ADAMTS6: variants seen among roughly 807,000 people sequenced by gnomAD.
The protein encoded by ADAMTS6 is A disintegrin and metalloproteinase with thrombospondin motifs 6.
A neutral mutation model predicts 144.3 loss-of-function variants in ADAMTS6; 23 were observed. The ratio of observed to expected loss-of-function variants is 0.16; its 90% CI spans 0.11 to 0.23. The LOEUF (loss-of-function observed/expected upper bound fraction) is 0.23, where lower values mean the gene tolerates loss of function less well. Ranked by LOEUF, ADAMTS6 falls within the 10% of genes least tolerant of loss-of-function variation. ADAMTS6 has a pLI of 1.00. For synonymous variants in ADAMTS6, 444 were observed against 457.5 expected (o/e 0.97, Z 0.38); for missense variants, 999 against 1,379.6 (o/e 0.72, Z 4.37).
At chr5:65,372,694 T>C (rs1010259155) in intron 7 of ADAMTS6, among the ~76,000 whole-genome samples, 16 of 152,296 alleles carry the variant, frequency 1.1e-4, no homozygotes, top group African/African-American at 3.1e-4. Context: ...ATTAGACAGA[T>C]CAATGAGACA....
intron 9 of ADAMTS6, among the ~76,000 whole-genome samples, chr5:65,321,040 A>G (rs941605190): frequency 1.3e-5 from 2 of 152,174 alleles, no homozygotes; most frequent in Non-Finnish European, 2.9e-5. Flanking sequence ...TAATGGAGTG[A>G]TTTATATTCC....
intron 7 of ADAMTS6, among the ~76,000 whole-genome samples, chr5:65,414,739 T>A (rs973263020): frequency 1.1e-4 from 16 of 152,194 alleles, no homozygotes; most frequent in African/African-American, 3.9e-4. Context: ...GGAACACTTT[T>A]AAGTAACAGG....
chr5:65,175,257 T>A (rs1454806611), intron 22 of ADAMTS6, among the ~76,000 whole-genome samples: 94 of 121,292 alleles, frequency 7.7e-4, no homozygotes, highest in South Asian at 1.6e-3. Flanking sequence ...AAAGAGGGAG[T>A]CAAGGAGAGA....
chr5:65,180,499 A>C (rs1754279418), intron 22 of ADAMTS6, among the ~76,000 whole-genome samples: 1 of 152,022 alleles, frequency 6.6e-6, no homozygotes, highest in South Asian at 2.1e-4. Context: ...TCCAACTCCA[A>C]AATCTGTCTC....
chr5:65,262,202 G>T (rs1480049154), intron 13 of ADAMTS6, among the ~76,000 whole-genome samples: 2 of 152,214 alleles, frequency 1.3e-5, no homozygotes, highest in South Asian at 4.1e-4. Context: ...GTGCCAGGGG[G>T]ACTCTGGCTG....
At chr5:65,400,325 C>G (rs1483315450) in intron 7 of ADAMTS6, among the ~76,000 whole-genome samples, 1 of 152,124 alleles carries the variant, frequency 6.6e-6, no homozygotes, top group African/African-American at 2.4e-5. Flanking sequence ...ATCCTCCTAC[C>G]TTTGCCTCCT....
intron 14 of ADAMTS6, among the ~76,000 whole-genome samples, chr5:65,255,551 G>A (rs980250021): frequency 2.0e-5 from 3 of 152,030 alleles, no homozygotes; most frequent in African/African-American, 4.8e-5. Flanking sequence ...GAGGAGATCC[G>A]GGGACAACTT....
At chr5:65,399,724 C>T (rs900737449) in intron 7 of ADAMTS6, among the ~76,000 whole-genome samples, 2 of 152,084 alleles carry the variant, frequency 1.3e-5, no homozygotes, top group East Asian at 3.9e-4. Flanking sequence ...GATACAGATA[C>T]ATACATATGA....
intron 11 of ADAMTS6, among the ~76,000 whole-genome samples, chr5:65,274,298 T>C (rs942857373): frequency 1.3e-5 from 2 of 151,962 alleles, no homozygotes; most frequent in Admixed American, 6.6e-5. Context: ...TTGAAGAAAA[T>C]AGTCAAATTT....
intron 7 of ADAMTS6, among the ~76,000 whole-genome samples, chr5:65,376,053 T>C (rs918788156): frequency 1.6e-4 from 25 of 151,840 alleles, no homozygotes; most frequent in African/African-American, 2.7e-4. Context: ...TAGGTGGGAA[T>C]TGAACAATGA....
chr5:65,373,854 C>G (rs1388203403), intron 7 of ADAMTS6, among the ~76,000 whole-genome samples: 1 of 152,014 alleles, frequency 6.6e-6, no homozygotes, highest in Non-Finnish European at 1.5e-5. Flanking sequence ...ATGCAAAAAT[C>G]CTCAATAAAA....
rs774582728 is a variant in ADAMTS6 at position 65,226,184 on chromosome 5, C to G, written c.1969G>C (p.Glu657Gln). The change falls in exon 16 of 25, where the codon GAA (glutamate) becomes CAA (glutamine). Residue 657 changes from glutamate to glutamine, a missense_variant. Physicochemically the swap from Glu to Gln is conservative, Grantham distance 29 (BLOSUM62 2). Transcript: ENST00000381055. ...VKPCALNCLA[E>Q]GYNFYTERAP... ...CGTTCAGTGTAGAAATTATAACCTT[C>G]AGCCAAGCAGTTTAATGCACAAGGT... 6.2e-7 allele frequency: 1 copy of G among 1,613,778 alleles called. No individual in the cohort carries two copies.
chr5:65,249,144 G>C (rs942282291), intron 14 of ADAMTS6, among the ~76,000 whole-genome samples: 3 of 151,992 alleles, frequency 2.0e-5, no homozygotes, highest in Admixed American at 2.0e-4. Flanking sequence ...TTATTATATT[G>C]CCTCTCTAAA....
At chr5:65,384,357 A>G (rs1752308579) in intron 7 of ADAMTS6, among the ~76,000 whole-genome samples, 2 of 152,198 alleles carry the variant, frequency 1.3e-5, no homozygotes, top group Admixed American at 1.3e-4. Flanking sequence ...ATGCCACAAG[A>G]GAAACCATGC....
chr5:65,220,974 T>C (rs1295091397), intron 18 of ADAMTS6, among the ~76,000 whole-genome samples: 3 of 152,208 alleles, frequency 2.0e-5, no homozygotes, highest in African/African-American at 4.8e-5. Context: ...CATAATTTTA[T>C]GCCAATAAAT....
chr5:65,402,555 T>G (rs1754016754), intron 7 of ADAMTS6, among the ~76,000 whole-genome samples: 1 of 152,242 alleles, frequency 6.6e-6, no homozygotes, highest in Admixed American at 6.5e-5. Flanking sequence ...GCTTTCTATT[T>G]CACTGAGAAA....
chr5:65,432,114 T>A (rs1757044024), intron 7 of ADAMTS6, among the ~76,000 whole-genome samples: 1 of 152,026 alleles, frequency 6.6e-6, no homozygotes, highest in Admixed American at 6.6e-5. Flanking sequence ...GAAATAAGAA[T>A]AAAATTTTTA....
chr5:65,369,948 T>C (rs1033567878), intron 7 of ADAMTS6, among the ~76,000 whole-genome samples: 2 of 152,108 alleles, frequency 1.3e-5, no homozygotes, highest in Admixed American at 6.5e-5. Flanking sequence ...TATTTTTTTT[T>C]CCTTTATTTA....
chr5:65,411,982 G>T (rs943935531), intron 7 of ADAMTS6, among the ~76,000 whole-genome samples: 10 of 152,026 alleles, frequency 6.6e-5, no homozygotes, highest in Admixed American at 3.9e-4. Context: ...CATTTATTGA[G>T]TCATAATTTA....
Sources: allele counts gnomAD v4.1 joint callset (sites outside exome capture counted in the v4.1 genomes callset), GRCh38; gene constraint gnomAD v4.1.1; transcripts MANE v1.5; gene names NCBI Gene and HGNC (gene_info 2026-07-23, HGNC 2026-07-21).